Variants in CLVS1 observed in about 807,000 individuals in gnomAD.
CLVS1 encodes clavesin-1.
A neutral mutation model predicts 33.1 loss-of-function variants in CLVS1; 10 were observed. The observed-to-expected ratio is 0.30, with a 90% CI of 0.19 to 0.51. The LOEUF (loss-of-function observed/expected upper bound fraction) is 0.51. CLVS1 is among the 20% of genes least tolerant of loss of function. The pLI, the probability that CLVS1 is intolerant of heterozygous loss-of-function variation, is 0.97. For missense variants in CLVS1, 343 were observed against 433.4 expected, an observed-to-expected ratio of 0.79 and a Z score of 1.85; for synonymous variants, 163 against 166.1, an observed-to-expected ratio of 0.98 and a Z score of 0.14.
chr8:61,270,619 A>C (rs1422152115), intron 2 of CLVS1, among the ~76,000 whole-genome samples: 1 of 152,204 alleles, frequency 6.6e-6, no homozygotes, highest in African/African-American at 2.4e-5. Context: ...CTCTGGTAGA[A>C]TTCAGCTGTG....
chr8:61,316,891 A>C (rs1415952077), intron 2 of CLVS1, among the ~76,000 whole-genome samples: 2 of 152,216 alleles, frequency 1.3e-5, no homozygotes. Context: ...CTATAAAATA[A>C]AGATAATAGT....
chr8:61,015,731 A>G, the CLVS1 span, among the ~76,000 whole-genome samples: 1 of 152,196 alleles, frequency 6.6e-6, no homozygotes, highest in African/African-American at 2.4e-5. Flanking sequence ...TTCCCTCAAA[A>G]TGGACCTCAT....
intron 2 of CLVS1, among the ~76,000 whole-genome samples, chr8:61,320,588 C>G (rs2129596216): frequency 6.6e-6 from 1 of 152,302 alleles, no homozygotes; most frequent in South Asian, 2.1e-4. Flanking sequence ...TCTCACAGTT[C>G]TGGAGGCTGG....
At chr8:61,459,278 A>G (rs1817275103) in intron 5 of CLVS1, among the ~76,000 whole-genome samples, 1 of 152,226 alleles carries the variant, frequency 6.6e-6, no homozygotes, top group South Asian at 2.1e-4. Flanking sequence ...ATGGAGTGCC[A>G]TAAAAGAGGG....
chr8:61,498,958 A>C (rs1356074223), intron 5 of CLVS1, among the ~76,000 whole-genome samples: 1 of 152,124 alleles, frequency 6.6e-6, no homozygotes, highest in Non-Finnish European at 1.5e-5. Flanking sequence ...AATTCAACAA[A>C]CTTTATATAT....
At chr8:61,304,645 G>A (rs1235082063) in intron 2 of CLVS1, among the ~76,000 whole-genome samples, 2 of 152,104 alleles carry the variant, frequency 1.3e-5, no homozygotes, top group Non-Finnish European at 2.9e-5. Flanking sequence ...TTCACCATTT[G>A]CCCCTTTAAG....
intron 1 of CLVS1, among the ~76,000 whole-genome samples, chr8:61,063,132 C>T (rs1466359240): frequency 2.6e-5 from 4 of 152,044 alleles, no homozygotes; most frequent in Admixed American, 6.6e-5. Flanking sequence ...AACCATGCTA[C>T]GTAAGTAAGA....
the CLVS1 span, among the ~76,000 whole-genome samples, chr8:61,020,275 A>G: frequency 6.6e-6 from 1 of 152,214 alleles, no homozygotes; most frequent in South Asian, 2.1e-4. Flanking sequence ...CCTCAGTTCT[A>G]CTTGGAATCT....
chr8:61,178,286 C>A (rs964127022), intron 2 of CLVS1, among the ~76,000 whole-genome samples: 52 of 151,760 alleles, frequency 3.4e-4, no homozygotes, highest in African/African-American at 1.2e-3. Flanking sequence ...AGCAGGCAGA[C>A]AAAATTAGAG....
intron 2 of CLVS1, among the ~76,000 whole-genome samples, chr8:61,331,835 C>T (rs184410521): frequency 4.0e-5 from 6 of 151,196 alleles, no homozygotes; most frequent in African/African-American, 7.3e-5. Flanking sequence ...CCTCCTCCTC[C>T]TCCTCCTCCT....
At chr8:61,379,744 A>G (rs745932509) in intron 3 of CLVS1, among the ~76,000 whole-genome samples, 2 of 152,196 alleles carry the variant, frequency 1.3e-5, no homozygotes, top group Non-Finnish European at 2.9e-5. Context: ...TGGGGAAGCT[A>G]CTACAGAAGA....
intron 2 of CLVS1, among the ~76,000 whole-genome samples, chr8:61,357,108 T>C (rs1812742588): frequency 6.6e-6 from 1 of 152,134 alleles, no homozygotes; most frequent in African/African-American, 2.4e-5. Context: ...GGTTTGTAGT[T>C]CTCCTTGAAG....
chr8:61,421,394 G>A (rs994787076), intron 3 of CLVS1, among the ~76,000 whole-genome samples: 6 of 152,148 alleles, frequency 3.9e-5, no homozygotes, highest in Non-Finnish European at 7.3e-5. Flanking sequence ...AAGTCCACTC[G>A]GGTCCTCTCA....
rs190001733 is a variant in CLVS1, at chr8:61,183,152, C to A, written c.-152+51292C>A. On this transcript the variant is annotated intron_variant, in intron 2 of 2. Coordinates refer to the CLVS1 transcript ENST00000522621. ...CACACACCAGGGCCTGTGGGCAGGGCGGAGGGGGGCAGGCACAAGTGGAGG... is the reference window on the plus strand; with the variant it reads ...CACACACCAGGGCCTGTGGGCAGGGAGGAGGGGGGCAGGCACAAGTGGAGG... Among the ~76,000 whole-genome samples the A allele has an allele frequency of 4.1e-5, 3 of 73,008 alleles. No individual in the cohort carries two copies. The Admixed American group carries it at 4.3e-4, about 10-fold the overall frequency. 47.9% of individuals were successfully genotyped at this position (73,008 alleles called of 152,430 possible). A position where few individuals can be genotyped will look rare whatever the true frequency, so the allele number is the denominator to read the frequency against.
intron 1 of CLVS1, among the ~76,000 whole-genome samples, chr8:61,113,301 AG>A (rs760278665): frequency 1.6e-4 from 24 of 152,234 alleles, no homozygotes; most frequent in Non-Finnish European, 1.8e-4. Flanking sequence ...ATGTTGTAAA[AG>A]TGACCTGCTA....
chr8:61,273,668 G>T (rs1809503320), intron 2 of CLVS1, among the ~76,000 whole-genome samples: 1 of 152,220 alleles, frequency 6.6e-6, no homozygotes. Context: ...GACCCTCCGA[G>T]CCAGGTGTGG....
At chr8:61,187,020 G>GCT (rs968226293) in intron 2 of CLVS1, among the ~76,000 whole-genome samples, 6 of 152,148 alleles carry the variant, frequency 3.9e-5, no homozygotes, top group Admixed American at 2.0e-4. Flanking sequence ...GTACTACACA[G>GCT]CTAAACTTAT....
intron 2 of CLVS1, among the ~76,000 whole-genome samples, chr8:61,309,132 C>G (rs1810742380): frequency 6.6e-6 from 1 of 152,136 alleles, no homozygotes; most frequent in Non-Finnish European, 1.5e-5. Context: ...GAAGTTGGGT[C>G]CACCAGAAGT....
At chr8:61,176,331 G>A (rs574207020) in intron 2 of CLVS1, among the ~76,000 whole-genome samples, 19 of 152,250 alleles carry the variant, frequency 1.2e-4, no homozygotes, top group African/African-American at 4.6e-4. Context: ...TCATAAGCCA[G>A]TCAGCTCCAC....
Sources: allele counts gnomAD v4.1 joint callset (sites outside exome capture counted in the v4.1 genomes callset), GRCh38; gene constraint gnomAD v4.1.1; transcripts MANE v1.5; gene names NCBI Gene and HGNC (gene_info 2026-07-23, HGNC 2026-07-21).